MIF4GD: variants seen among roughly 807,000 people sequenced by gnomAD.
MIF4GD encodes the protein MIF4G domain containing.
Under a neutral mutation model 26.7 loss-of-function variants are expected in MIF4GD, and 22 were observed. The observed-to-expected ratio is 0.82, with a 90% confidence interval of 0.59 to 1.18. The LOEUF is 1.18. Among genes scored for constraint, MIF4GD ranks in the 50% most tolerant of loss-of-function variants. The probability of loss-of-function intolerance (pLI) is 0.00; values close to 1 mark genes in which losing one functional copy is unlikely to be tolerated. For missense variants in MIF4GD, 262 were observed against 279.6 expected (o/e 0.94, Z 0.45); for synonymous variants, 137 against 111.6 (o/e 1.23, Z -1.43).
intron 3 of MIF4GD, 36 bp downstream of exon 3, chr17:75,268,047 C>T: frequency 6.2e-7 from 1 of 1,609,206 alleles, no homozygotes; most frequent in Non-Finnish European, 8.5e-7. Flanking sequence ...AAGCACCTTC[C>T]TCAAAGCAGC....
chr17:75,267,836 C>T lies in MIF4GD; in HGVS notation c.258G>A (p.Glu86=). 1 of 1,614,086 alleles carries T rather than the reference C, an allele frequency of 6.2e-7. No individual in the cohort carries two copies. Among genetic ancestry groups the T allele is most frequent in the Non-Finnish European group, 8.5e-7 (1 of 1,180,028 alleles). The change falls in exon 4 of 6, where the codon GAG becomes GAA. Residue 86 remains glutamate, a synonymous_variant. Coordinates refer to ENST00000325102, the MANE Select transcript of MIF4GD (RefSeq NM_001370592.1). ...RRGLLNRLQQ[E]YQAREQLRAR... ...CTCGCAGCTGCTCCCGAGCCTGGTA[C>T]TCCTGCTGCAGCCGGTTGAGGAGTC...
chr17:75,269,592 G>C, intron 2 of MIF4GD: 1 of 975,462 alleles, frequency 1.0e-6, no homozygotes, highest in Non-Finnish European at 1.4e-6. Flanking sequence ...ACAGGGTCTC[G>C]CTCTGTAGCC....
Position 75,270,247 on chromosome 17 carries a change from TGAG to T in MIF4GD, c.-50-5_-50-3del, listed in dbSNP as rs748992714. On this transcript the variant is annotated splice_region_variant and splice_polypyrimidine_tract_variant and intron_variant, in intron 1 of 5. Transcript: ENST00000325102. The surrounding 1 kb of genome is among the most constrained non-coding windows in gnomAD (Gnocchi z 5.7). Reference sequence around the variant, plus strand: ...CTGGGCTGGGAATAAGGACAGCACCTGAGGAGAAGAGGCGAAGGGAGCGGCCTC... The same window carrying T: ...CTGGGCTGGGAATAAGGACAGCACCTGAGAAGAGGCGAAGGGAGCGGCCTC... The T allele has an allele frequency of 1.5e-5, 22 of 1,507,220 alleles. No individual in the cohort carries two copies. Among genetic ancestry groups the T allele is most frequent in the Admixed American group, 5.0e-5 (3 of 59,824 alleles). The allele number at this position is 1,507,220 out of a possible 1,614,324, so 93.4% of individuals were successfully genotyped here. A position where few individuals can be genotyped will look rare whatever the true frequency, so the allele number is the denominator to read the frequency against.
Position 75,270,410 on chromosome 17 carries a change from G to A in MIF4GD, c.-50-165C>T. The A allele has an allele frequency of 1.8e-6, 1 of 563,398 alleles. No homozygotes were observed. Among genetic ancestry groups the A allele is most frequent in the Non-Finnish European group, 3.2e-6 (1 of 312,784 alleles). 34.9% of individuals were successfully genotyped at this position (563,398 alleles called of 1,614,324 possible). On this transcript the variant is annotated intron_variant, in intron 1 of 5. Transcript: ENST00000325102. The surrounding 1 kb of genome is among the most constrained non-coding windows in gnomAD (Gnocchi z 5.7). The stretch of plus-strand genomic sequence containing the variant: ...GCCCACCAGGCTTGGCTTCTGGTGG[G>A]GACTGGGCATCAGCCAGGCACCTGC...
intron 5 of MIF4GD, among the ~76,000 whole-genome samples, chr17:75,267,196 C>CTTCAAACCACTTT (rs1307679410): frequency 6.6e-6 from 1 of 152,044 alleles, no homozygotes; most frequent in Non-Finnish European, 1.5e-5. Flanking sequence ...CAAACCACTT[C>CTTCAAACCACTTT]TTCATCCCAC....
chr17:75,269,002 C>CAA (rs59896034), intron 2 of MIF4GD, among the ~76,000 whole-genome samples: 7 of 138,398 alleles, frequency 5.1e-5, no homozygotes, highest in East Asian at 2.0e-4. Flanking sequence ...GAAACTGTCT[C>CAA]AAAAAAAAAA....
chr17:75,269,955 T>C (rs2077668610), intron 2 of MIF4GD, among the ~76,000 whole-genome samples, 159 bp downstream of exon 2: 1 of 152,038 alleles, frequency 6.6e-6, no homozygotes, highest in Non-Finnish European at 1.5e-5. Flanking sequence ...ATGGCCTCAA[T>C]GTAGCTTGTC....
At position 75,270,269 on chromosome 17, in the gene MIF4GD, C is replaced by G. The variant is rs2077684162; in HGVS notation, c.-50-24G>C. ...ACCTGAGGAGAAGAGGCGAAGGGAG[C>G]GGCCTCAGGTGTGGAGCGCAGGGCG... is the stretch of plus-strand genomic sequence containing the variant. On this transcript the variant is annotated intron_variant, in intron 1 of 5. Coordinates refer to ENST00000325102, the MANE Select transcript of MIF4GD (RefSeq NM_001370592.1). This position sits in a 1 kb window ranked among gnomAD's most constrained non-coding sequence, Gnocchi z 5.7. 1 of 1,363,080 alleles carries G rather than the reference C, an allele frequency of 7.3e-7. No individual in the cohort carries two copies. The highest frequency in any genetic ancestry group is 1.2e-5 in the South Asian group (1 of 85,878). The allele number at this position is 1,363,080 out of a possible 1,614,324, so 84.4% of individuals were successfully genotyped here.
At chr17:75,268,687 AAG>A (rs1555598321) in intron 2 of MIF4GD, among the ~76,000 whole-genome samples, 1 of 149,700 alleles carries the variant, frequency 6.7e-6, no homozygotes, top group Non-Finnish European at 1.5e-5. Flanking sequence ...AAAAAAAAAA[AAG>A]AAAAAAATAA....
At chr17:75,267,449 ACCT>A in intron 5 of MIF4GD, 86 bp downstream of exon 5, 1 of 1,300,152 alleles carries the variant, frequency 7.7e-7, no homozygotes. Flanking sequence ...GTCCTCAGAG[ACCT>A]CCGTGAGCAG....
In MIF4GD at chr17:75,266,676, C is replaced by T; in HGVS notation, c.*64G>A. On this transcript the variant is annotated 3_prime_UTR_variant, in exon 6 of 6. Coordinates refer to ENST00000325102, the MANE Select transcript of MIF4GD (RefSeq NM_001370592.1). ...GTCTTTGGGTGAGGCAGAGACTCCA[C>T]TGCCAGCTTTAGAGGTGGGTAGAAG... The T allele has an allele frequency of 6.7e-7, 1 of 1,494,780 alleles. No individual in the cohort carries two copies. The highest frequency in any genetic ancestry group is 1.1e-5 in the South Asian group (1 of 88,224). The allele number at this position is 1,494,780 out of a possible 1,614,324, so 92.6% of individuals were successfully genotyped here.
chr17:75,269,760 T>TTTTG (rs2077659968), intron 2 of MIF4GD, among the ~76,000 whole-genome samples: 1 of 136,174 alleles, frequency 7.3e-6, no homozygotes, highest in South Asian at 2.3e-4. Flanking sequence ...TTTTTTTTTG[T>TTTTG]AGAGATGGGG....
chr17:75,269,337 G>T, intron 2 of MIF4GD: 1 of 1,612,948 alleles, frequency 6.2e-7, no homozygotes, highest in Non-Finnish European at 8.5e-7. Flanking sequence ...ATTATTAGTT[G>T]AAGACAAACC....
intron 2 of MIF4GD, among the ~76,000 whole-genome samples, chr17:75,268,891 C>T (rs2145681596): frequency 6.6e-6 from 1 of 151,642 alleles, no homozygotes; most frequent in East Asian, 1.9e-4. Context: ...GTAACCCCAG[C>T]TACTTGGGAG....
rs1229154460 is a variant in MIF4GD at position 75,266,446 on chromosome 17, G to A, written c.*294C>T. On this transcript the variant is annotated 3_prime_UTR_variant, in exon 6 of 6. Coordinates refer to ENST00000325102, the MANE Select transcript of MIF4GD (RefSeq NM_001370592.1). ...AGTGGCTATGCTTACCCATTTTACA[G>A]ATGGGTAAACTGAGGCACCAAGGTA... The A allele has an allele frequency of 2.1e-6, 1 of 480,354 alleles. No individual in the cohort carries two copies. 29.8% of individuals were successfully genotyped at this position (480,354 alleles called of 1,614,324 possible). A position where few individuals can be genotyped will look rare whatever the true frequency, so the allele number is the denominator to read the frequency against.
Position 75,270,343 on chromosome 17 carries a change from G to A in MIF4GD, c.-50-98C>T. The A allele has an allele frequency of 1.5e-6, 1 of 682,192 alleles. No individual in the cohort carries two copies. The highest frequency in any genetic ancestry group is 2.6e-6 in the Non-Finnish European group (1 of 387,146). The allele number at this position is 682,192 out of a possible 1,614,324, so 42.3% of individuals were successfully genotyped here. Reference sequence around the variant, plus strand: ...CGGGGCTGACGGCGCGCTCGGGACAGGGACTCCTGGGCGGTCCGTGGCGTG... The same window carrying A: ...CGGGGCTGACGGCGCGCTCGGGACAAGGACTCCTGGGCGGTCCGTGGCGTG... On this transcript the variant is annotated intron_variant, in intron 1 of 5. Coordinates refer to ENST00000325102, the MANE Select transcript of MIF4GD (RefSeq NM_001370592.1). The surrounding 1 kb of genome is among the most constrained non-coding windows in gnomAD (Gnocchi z 5.7).
At position 75,270,478 on chromosome 17, in the gene MIF4GD, C is replaced by A. The variant is rs752764147; in HGVS notation, c.-50-233G>T. ...CCTCGCTTGTGGGATTACACAAGAG[C>A]GAGAAGCTGAAGCAGGAAAGCGCCC... On this transcript the variant is annotated intron_variant, in intron 1 of 5. Transcript: ENST00000325102. This position sits in a 1 kb window ranked among gnomAD's most constrained non-coding sequence, Gnocchi z 5.7. The A allele has an allele frequency of 2.1e-5, 8 of 375,994 alleles. No homozygotes were observed. Among genetic ancestry groups the A allele is most frequent in the Non-Finnish European group, 3.5e-5 (7 of 201,884 alleles). The allele number at this position is 375,994 out of a possible 1,614,324, so 23.3% of individuals were successfully genotyped here. A position where few individuals can be genotyped will look rare whatever the true frequency, so the allele number is the denominator to read the frequency against.
At chr17:75,268,053 G>A (rs2077568251) in intron 3 of MIF4GD, 30 bp downstream of exon 3, 7 of 1,610,990 alleles carry the variant, frequency 4.3e-6, no homozygotes, top group Non-Finnish European at 5.9e-6. Flanking sequence ...CTTCCTCAAA[G>A]CAGCTTCCTT....
Position 75,266,745 on chromosome 17 carries a change from C to T in MIF4GD, c.664G>A (p.Asp222Asn), listed in dbSNP as rs200088097. The T allele has an allele frequency of 2.9e-5, 47 of 1,614,138 alleles. No individual in the cohort carries two copies. The East Asian group carries it at 3.6e-4, about 12-fold the overall frequency. The change falls in exon 6 of 6, where the codon GAC becomes AAC. Residue 222 changes from aspartate to asparagine, a missense_variant. By Grantham distance (23) the Asp-to-Asn change is conservative. Transcript: ENST00000325102. ...GGAAGCCCTGATCTGGAGGCCTAGT[C>T]GGAGACTTCGCTGTAGTAATACTTG... Reference protein sequence around the residue: ...AHKYYYSEVSD With the variant: ...AHKYYYSEVSN
Sources: gnomAD v4.1 joint callset for allele counts (sites outside exome capture counted in the v4.1 genomes callset) on GRCh38, gnomAD v4.1.1 for gene constraint, Gnocchi (gnomAD v3.1) non-coding constraint, MANE v1.5 for transcripts, NCBI Gene and HGNC (gene_info 2026-07-23, HGNC 2026-07-21) for gene names.